Variants in LPIN1 observed in about 807,000 individuals in gnomAD.
The protein encoded by LPIN1 is phosphatidate phosphatase LPIN1.
A neutral mutation model predicts 107.5 loss-of-function variants in LPIN1; 71 were observed. That is an observed-to-expected ratio of 0.66 (90% confidence interval 0.55 to 0.80). The LOEUF (loss-of-function observed/expected upper bound fraction) is 0.80. LPIN1 is among the 30% of genes least tolerant of loss of function. LPIN1 has a pLI of 0.00. For missense variants in LPIN1, 1,043 were observed against 1,160.6 expected, an observed-to-expected ratio of 0.90 and a Z score of 1.47; for synonymous variants, 445 against 452.6, an observed-to-expected ratio of 0.98 and a Z score of 0.21.
chr2:11,680,142 G>GGGTGGGAGA, intron 1 of LPIN1, among the ~76,000 whole-genome samples: 1 of 152,212 alleles, frequency 6.6e-6, no homozygotes, highest in Non-Finnish European at 1.5e-5. Context: ...CAGGAGATGT[G>GGGTGGGAGA]GGTGGGAGAG....
chr2:11,767,958 G>T (rs1231025953), intron 3 of LPIN1, 100 bp downstream of exon 3: 39 of 803,092 alleles, frequency 4.9e-5, no homozygotes, highest in Non-Finnish European at 1.8e-5. Context: ...AATACCGGCC[G>T]TGGCTGTGTG....
chr2:11,735,943 C>G (rs904075649), intron 1 of LPIN1, among the ~76,000 whole-genome samples: 1 of 152,212 alleles, frequency 6.6e-6, no homozygotes, highest in African/African-American at 2.4e-5. Context: ...GGGGCTGGCT[C>G]AGGTGTCCTA....
chr2:11,743,093 C>A (rs139961443), upstream of LPIN1, among the ~76,000 whole-genome samples: 1 of 152,194 alleles, frequency 6.6e-6, no homozygotes, highest in African/African-American at 2.4e-5. This position sits in a 1 kb window ranked among gnomAD's most constrained non-coding sequence, Gnocchi z 4.7. Context: ...ACAGTTTTTA[C>A]GCGATCACAA....
chr2:11,740,108 T>A (rs1251218466), intron 1 of LPIN1, among the ~76,000 whole-genome samples: 1 of 151,960 alleles, frequency 6.6e-6, no homozygotes, highest in Admixed American at 6.6e-5. Flanking sequence ...GGTCCTGGAG[T>A]CCGACGGCTG....
chr2:11,741,277 C>T (rs1666336550), intron 1 of LPIN1: 3 of 1,074,030 alleles, frequency 2.8e-6, no homozygotes, highest in Non-Finnish European at 4.0e-6. Flanking sequence ...TGAGGATGGC[C>T]TGGTCATTTT....
rs1162699730 is a variant in LPIN1, at chr2:11,763,987, GTA to G, written c.-9-1528_-9-1527del. Among the ~76,000 whole-genome samples, 596 of 132,846 alleles carry G rather than the reference GTA, an allele frequency of 4.5e-3. 6 individuals carry two copies. Among genetic ancestry groups the G allele is most frequent in the African/African-American group, 0.011 (353 of 32,728 alleles). 87.2% of individuals were successfully genotyped at this position (132,846 alleles called of 152,430 possible). On this transcript the variant is annotated intron_variant, in intron 1 of 20. Coordinates refer to ENST00000674199, the MANE Select transcript of LPIN1 (RefSeq NM_001349206.2). ...TTAGTGTGTGTGTGTGTGTGTGTGT[GTA>G]TATATATATATATATATTTGGAGAT...
At chr2:11,708,996 A>G (rs59341236) in intron 1 of LPIN1, among the ~76,000 whole-genome samples, 36,781 of 152,038 alleles carry the variant, frequency 0.24, 4,643 homozygotes, top group South Asian at 0.29. Context: ...ATATTAAATG[A>G]ATTGCTCAAG....
At chr2:11,721,216 G>A (rs555536898), upstream of LPIN1, among the ~76,000 whole-genome samples, 276 of 151,716 alleles carry the variant, frequency 1.8e-3, no homozygotes, top group African/African-American at 6.5e-3. Context: ...GAATAGAGAT[G>A]CGCTGGGGTA....
At position 11,771,165 on chromosome 2, in the gene LPIN1, A is replaced by G. The variant is rs185664198; in HGVS notation, c.289-207A>G. On this transcript the variant is annotated intron_variant, in intron 3 of 20. Transcript: ENST00000674199. This position sits in a 1 kb window ranked among gnomAD's most constrained non-coding sequence, Gnocchi z 4.8. ...AGGATTGAGTACAAAGTGGCATTCA[A>G]TACATTGTTGGCTTTCTGATCTTCT... Among the ~76,000 whole-genome samples, 13 of 152,274 alleles carry G rather than the reference A, an allele frequency of 8.5e-5. No individual in the cohort carries two copies. The highest frequency in any genetic ancestry group is 2.6e-4 in the African/African-American group (11 of 41,572).
rs1369220323 is a variant in LPIN1, at chr2:11,826,033, G to A, written c.*1242G>A. On this transcript the variant is annotated 3_prime_UTR_variant, in exon 21 of 21. Transcript: ENST00000674199. ...GGCATTCTTTAAGCCTACAGAATGT[G>A]ATTCTTTCACTTGTTTATTACACTG... 1 of 152,576 alleles carries A rather than the reference G, an allele frequency of 6.6e-6. No individual in the cohort carries two copies. Among genetic ancestry groups the A allele is most frequent in the East Asian group, 1.9e-4 (1 of 5,200 alleles). 9.5% of individuals were successfully genotyped at this position (152,576 alleles called of 1,614,324 possible). A position where few individuals can be genotyped will look rare whatever the true frequency, so the allele number is the denominator to read the frequency against.
At chr2:11,759,769 G>A (rs1320177606) in intron 1 of LPIN1, among the ~76,000 whole-genome samples, 10 of 148,992 alleles carry the variant, frequency 6.7e-5, no homozygotes, top group African/African-American at 2.0e-4. Context: ...GGGCAGAGGC[G>A]CCCCCCACCT....
intron 1 of LPIN1, among the ~76,000 whole-genome samples, chr2:11,759,133 T>C (rs940474906): frequency 1.4e-4 from 18 of 131,640 alleles, no homozygotes; most frequent in South Asian, 2.6e-4. Flanking sequence ...GCTTTCTTTC[T>C]TTTCTTTCTT....
rs577854910 is a variant in LPIN1 at position 11,790,230 on chromosome 2, A to G, written c.1714-1684A>G. Among the ~76,000 whole-genome samples, 258 of 152,316 alleles carry G rather than the reference A, an allele frequency of 1.7e-3. 4 individuals are homozygous for G. The highest frequency in any genetic ancestry group is 2.0e-3 in the Non-Finnish European group (136 of 68,034). ...TGGTGAAGATGATTTTTGTTTTAGG[A>G]AACAGAATGACTAAAAGTGGCTTAA... On this transcript the variant is annotated intron_variant, in intron 12 of 20. Coordinates refer to ENST00000674199, the MANE Select transcript of LPIN1 (RefSeq NM_001349206.2).
At chr2:11,766,236 T>C (rs571297746) in intron 2 of LPIN1, among the ~76,000 whole-genome samples, 12 of 152,320 alleles carry the variant, frequency 7.9e-5, no homozygotes, top group African/African-American at 2.2e-4. Flanking sequence ...CTGGAGCTTA[T>C]GGCCTAGCCT....
chr2:11,808,593 G>C (rs1377042586), intron 17 of LPIN1, among the ~76,000 whole-genome samples: 3 of 152,112 alleles, frequency 2.0e-5, no homozygotes, highest in Non-Finnish European at 2.9e-5. Flanking sequence ...CCAATCTTCA[G>C]CTGGGCACAG....
chr2:11,743,713 C>T (rs74676499), upstream of LPIN1, among the ~76,000 whole-genome samples: 10,443 of 152,238 alleles, frequency 0.069, 508 homozygotes, highest in Middle Eastern at 0.15. This position sits in a 1 kb window ranked among gnomAD's most constrained non-coding sequence, Gnocchi z 4.7. Context: ...CCTTTCTGCC[C>T]GGGCAGTTAC....
intron 14 of LPIN1, 110 bp from the exon 15 acceptor site, chr2:11,802,797 G>T: frequency 7.8e-7 from 1 of 1,282,352 alleles, no homozygotes; most frequent in South Asian, 1.2e-5. Context: ...CCCGAGAGAC[G>T]GGACTCAGGA....
chr2:11,677,857 G>A, intron 1 of LPIN1: 2 of 757,380 alleles, frequency 2.6e-6, no homozygotes, highest in Non-Finnish European at 4.4e-6. Context: ...GGATGGGTTT[G>A]TGCATTCACG....
At chr2:11,768,993 C>A (rs987857515) in intron 3 of LPIN1, among the ~76,000 whole-genome samples, 5 of 150,452 alleles carry the variant, frequency 3.3e-5, no homozygotes, top group Non-Finnish European at 7.5e-5. Flanking sequence ...GGGTTGTTTC[C>A]ACCTTGTAGC....
Sources: gnomAD v4.1 joint callset for allele counts (sites outside exome capture counted in the v4.1 genomes callset) on GRCh38, gnomAD v4.1.1 for gene constraint, Gnocchi (gnomAD v3.1) non-coding constraint, MANE v1.5 for transcripts, NCBI Gene and HGNC (gene_info 2026-07-23, HGNC 2026-07-21) for gene names.